Variants in SP2 observed in about 807,000 individuals in gnomAD.
SP2 encodes Sp2 transcription factor, also known as transcription factor Sp2.
SP2 carries 9 observed loss-of-function variants against 50.1 expected under a neutral mutation model. The observed-to-expected ratio is 0.18, with a 90% CI of 0.11 to 0.31. SP2 has a LOEUF of 0.31. Among genes scored for constraint, SP2 ranks in the 10% least tolerant of loss-of-function variants. SP2 has a pLI of 1.00. For missense variants in SP2, 581 were observed against 806.5 expected, an observed-to-expected ratio of 0.72 and a Z score of 3.39; for synonymous variants, 313 against 326.6, an observed-to-expected ratio of 0.96 and a Z score of 0.45.
At chr17:47,897,501 T>C (rs1315436436) in intron 1 of SP2, 1 of 152,264 alleles carries the variant, frequency 6.6e-6, no homozygotes, top group African/African-American at 2.4e-5. Flanking sequence ...AAGTTTCCCG[T>C]TTACAGATTT....
intron 1 of SP2, among the ~76,000 whole-genome samples, chr17:47,896,726 CTT>C (rs1283938238): frequency 1.3e-5 from 2 of 152,232 alleles, no homozygotes; most frequent in East Asian, 1.9e-4. Flanking sequence ...TTCCTGCACT[CTT>C]AACTGTAGAT....
chr17:47,915,926 A>G (rs1419613371), intron 2 of SP2, among the ~76,000 whole-genome samples: 2 of 152,136 alleles, frequency 1.3e-5, no homozygotes, highest in Admixed American at 6.5e-5. Flanking sequence ...GGGTGCTGCC[A>G]GGGGTTCCTT....
intron 1 of SP2, among the ~76,000 whole-genome samples, chr17:47,907,654 C>T (rs555929840): frequency 1.3e-5 from 2 of 152,194 alleles, no homozygotes; most frequent in Non-Finnish European, 2.9e-5. Flanking sequence ...TTTCAGTGAC[C>T]GGATGTAAAC....
At chr17:47,909,644 A>G (rs1277838139) in intron 1 of SP2, 6 of 922,532 alleles carry the variant, frequency 6.5e-6, no homozygotes, top group African/African-American at 1.8e-5. Flanking sequence ...TAGAAGGATG[A>G]CATTACCTTT....
downstream of SP2, chr17:47,929,538 T>C (rs1280263295): frequency 6.5e-6 from 1 of 152,722 alleles, no homozygotes; most frequent in African/African-American, 2.4e-5. Flanking sequence ...CCACAGATAC[T>C]GGTTCCTTCT....
At chr17:47,896,388 T>C (rs2034330055) in intron 1 of SP2, 95 bp downstream of exon 1, 3 of 1,056,380 alleles carry the variant, frequency 2.8e-6, no homozygotes, top group Non-Finnish European at 3.6e-6. Flanking sequence ...GGCCGGGGGT[T>C]CCCCCCTGGG....
In SP2 at chr17:47,917,150, GTCC is replaced by G. The variant is rs995210965; in HGVS notation, c.1059+25_1059+27del. 6 of 1,569,232 alleles carry G rather than the reference GTCC, an allele frequency of 3.8e-6. No homozygotes were observed. The highest frequency in any genetic ancestry group is 1.7e-4 in the Middle Eastern group (1 of 5,862). On this transcript the variant is annotated intron_variant, in intron 3 of 6. Transcript: ENST00000376741. Reference sequence around the variant, plus strand: ...ACTCAGGTACCACACTCCCTGTACTGTCCTCCTTCTCCTCCTCTGGTTATCTCT... The same window carrying G: ...ACTCAGGTACCACACTCCCTGTACTGTCCTTCTCCTCCTCTGGTTATCTCT...
At chr17:47,922,908 C>T in intron 3 of SP2, 54 bp from the exon 4 acceptor site, 3 of 1,521,616 alleles carry the variant, frequency 2.0e-6, no homozygotes, top group Non-Finnish European at 2.7e-6. Context: ...ATTTGAAGGC[C>T]CCAGGAACCT....
At chr17:47,925,222 C>A (rs1284085397) in intron 5 of SP2, 126 bp from the exon 6 acceptor site, 1 of 1,406,226 alleles carries the variant, frequency 7.1e-7, no homozygotes, top group Non-Finnish European at 9.7e-7. Context: ...TGCCACCTTG[C>A]CCCCTGCCTC....
intron 3 of SP2, 89 bp from the exon 4 acceptor site, chr17:47,922,873 C>T: frequency 8.6e-7 from 1 of 1,162,586 alleles, no homozygotes; most frequent in South Asian, 1.5e-5. Flanking sequence ...GGACAGGCGC[C>T]CCCAGTTCTC....
intron 1 of SP2, among the ~76,000 whole-genome samples, chr17:47,907,926 A>T (rs1291623012): frequency 6.6e-6 from 1 of 152,202 alleles, no homozygotes; most frequent in Non-Finnish European, 1.5e-5. Context: ...ATTTCCAAAC[A>T]TCAGTGGGAA....
intron 4 of SP2, 145 bp from the exon 5 acceptor site, chr17:47,924,774 G>T: frequency 1.5e-6 from 1 of 669,146 alleles, no homozygotes; most frequent in Non-Finnish European, 2.5e-6. Context: ...CTGTACAAAG[G>T]TCCTTAAAAT....
intron 4 of SP2, among the ~76,000 whole-genome samples, chr17:47,924,707 C>A (rs555198161): frequency 6.6e-6 from 1 of 152,312 alleles, no homozygotes; most frequent in Admixed American, 6.5e-5. Context: ...GTTTCTTCAT[C>A]TGTAAAGTGC....
intron 1 of SP2, among the ~76,000 whole-genome samples, chr17:47,908,041 C>T (rs1329508347): frequency 2.6e-5 from 4 of 152,106 alleles, no homozygotes; most frequent in Admixed American, 6.5e-5. Context: ...CTCTGAGTGA[C>T]GCTAGGAAAG....
chr17:47,919,545 C>T (rs1327216073), intron 3 of SP2, among the ~76,000 whole-genome samples: 3 of 151,678 alleles, frequency 2.0e-5, no homozygotes, highest in Non-Finnish European at 4.4e-5. Context: ...TTACAAAGAA[C>T]TTTTTTCCTT....
chr17:47,924,502 C>A (rs571662784), intron 4 of SP2, among the ~76,000 whole-genome samples: 2 of 152,264 alleles, frequency 1.3e-5, no homozygotes, highest in East Asian at 3.9e-4. Flanking sequence ...TCACAGGGGC[C>A]TAAGGTTGGA....
In SP2 at chr17:47,915,298, T is replaced by C. The variant is rs1192552231; in HGVS notation, c.8-14T>C. 4 of 1,600,044 alleles carry C rather than the reference T, an allele frequency of 2.5e-6. No individual in the cohort carries two copies. Among genetic ancestry groups the C allele is most frequent in the Middle Eastern group, 3.3e-4 (2 of 6,006 alleles). On this transcript the variant is annotated splice_polypyrimidine_tract_variant and intron_variant, in intron 1 of 6. Coordinates refer to ENST00000376741, the MANE Select transcript of SP2 (RefSeq NM_003110.6). ...GGCATTTTATACATTACTCCATCTC[T>C]TTTCTTCCAACAGATCCACAGACCA... is the stretch of plus-strand genomic sequence containing the variant.
At chr17:47,911,580 A>G (rs1462888804) in intron 1 of SP2, among the ~76,000 whole-genome samples, 3 of 151,918 alleles carry the variant, frequency 2.0e-5, no homozygotes, top group African/African-American at 4.8e-5. Context: ...AGGCCAAGGC[A>G]GGCGGATCAC....
At position 47,916,832 on chromosome 17, in the gene SP2, C is replaced by T. The variant is rs775501029; in HGVS notation, c.761C>T (p.Ala254Val). ...AAAGCAAGGAAGAAGAGCCTTCCTG[C>T]CTCCCAGCCCCCTGTGGCTGTGGCT... ...NKKARKKSLP[A>V]SQPPVAVAEQ... The change falls in exon 3 of 7, where the codon GCC becomes GTC. Residue 254 changes from alanine to valine, a missense_variant. Physicochemically the swap from Ala to Val is moderately conservative, Grantham distance 64 (BLOSUM62 0). Around this residue, in one of 2 missense-constraint regions of SP2, gnomAD observed 397 missense variants for 491.0 expected, o/e 0.81. Coordinates refer to ENST00000376741, the MANE Select transcript of SP2 (RefSeq NM_003110.6). The surrounding 1 kb of genome is among the most constrained non-coding windows in gnomAD (Gnocchi z 4.7). 1.2e-6 allele frequency: 2 copies of T among 1,613,924 alleles called. No individual in the cohort carries two copies. The highest frequency in any genetic ancestry group is 2.2e-5 in the East Asian group (1 of 44,902).
Sources: gnomAD v4.1 joint callset for allele counts (sites outside exome capture counted in the v4.1 genomes callset) on GRCh38, gnomAD v4.1.1 for gene constraint, gnomAD v4.1.1 regional missense constraint, Gnocchi (gnomAD v3.1) non-coding constraint, MANE v1.5 for transcripts, NCBI Gene and HGNC (gene_info 2026-07-23, HGNC 2026-07-21) for gene names.